Variants in PRR35 observed in about 807,000 individuals in gnomAD.
PRR35 encodes proline rich 35, also known as proline-rich protein 35.
In PRR35, 14 loss-of-function variants were observed where a neutral mutation model predicts 18.6. The ratio of observed to expected loss-of-function variants is 0.75; its 90% CI spans 0.50 to 1.18. The LOEUF is 1.18. Among genes scored for constraint, PRR35 ranks in the 50% most tolerant of loss-of-function variants. The pLI, the probability that PRR35 is intolerant of heterozygous loss-of-function variation, is 0.00. For synonymous variants in PRR35, 425 were observed against 378.2 expected (o/e 1.12, Z -1.43); for missense variants, 832 against 792.2 (o/e 1.05, Z -0.60).
Position 564,738 on chromosome 16 carries a change from C to G in PRR35, c.1147C>G (p.Pro383Ala). Residue 383 changes from proline (P) to alanine (A), a missense_variant, in exon 3 of 3, where the codon CCC becomes GCC. By Grantham distance (27) the Pro-to-Ala change is conservative (BLOSUM62 -1). This residue lies in a region of PRR35 where 768 missense variants were observed against 704.1 expected (regional missense o/e 1.09). Transcript: ENST00000409413. ...EDGDPGGPET[P>A]GPEGPLPLQP... The stretch of plus-strand genomic sequence containing the variant: ...CGGGGATCCAGGCGGCCCTGAGACC[C>G]CCGGCCCTGAGGGCCCCCTCCCCCT... 1 of 1,535,084 alleles carries G rather than the reference C, an allele frequency of 6.5e-7. No homozygotes were observed. Among genetic ancestry groups the G allele is most frequent in the Non-Finnish European group, 8.7e-7 (1 of 1,146,850 alleles).
intron 2 of PRR35, 99 bp from the exon 3 acceptor site, chr16:564,575 T>C (rs1413839256): frequency 7.1e-7 from 1 of 1,413,532 alleles, no homozygotes; most frequent in Non-Finnish European, 9.3e-7. Flanking sequence ...GCCTAGGCTC[T>C]AGGCTGGGGC....
At chr16:562,607 GCA>G (rs10582000) in intron 1 of PRR35, among the ~76,000 whole-genome samples, 43,926 of 150,602 alleles carry the variant, frequency 0.29, 6,736 homozygotes, top group East Asian at 0.55. Flanking sequence ...ACACACACAG[GCA>G]CACACACACA....
rs1428015860 is a variant in PRR35 at position 563,721 on chromosome 16, CCT to C, written c.428_429del (p.Pro143ArgfsTer3). ...RAKGSPGPPP[P>X]VARATRKGPG... Reference sequence around the variant, plus strand: ...CAAGGGGTCCCCAGGGCCACCACCCCCTGTGGCTAGGGCCACCCGGAAGGGTC... The same window carrying C: ...CAAGGGGTCCCCAGGGCCACCACCCCGTGGCTAGGGCCACCCGGAAGGGTC... On this transcript the variant is annotated frameshift_variant, in exon 2 of 3. Coordinates refer to ENST00000409413, the MANE Select transcript of PRR35 (RefSeq NM_145270.3). LOFTEE classifies it high-confidence loss of function. 1 of 1,540,648 alleles carries C rather than the reference CCT, an allele frequency of 6.5e-7. No homozygotes were observed. The highest frequency in any genetic ancestry group is 2.4e-5 in the East Asian group (1 of 41,720).
Position 564,982 on chromosome 16 carries a change from C to T in PRR35, c.1391C>T (p.Pro464Leu), listed in dbSNP as rs1260640591. 6 of 1,607,684 alleles carry T rather than the reference C, an allele frequency of 3.7e-6. No homozygotes were observed. Among genetic ancestry groups the T allele is most frequent in the South Asian group, 1.1e-5 (1 of 90,516 alleles). Reference protein sequence around the residue: ...LEQAVRPPDAPLDLSVKRAPA... With the variant: ...LEQAVRPPDALLDLSVKRAPA... ...CAGGCCGTGAGGCCGCCAGACGCAC[C>T]CCTCGACCTCTCTGTGAAACGTGCG... Residue 464 changes from proline to leucine, a missense_variant, in exon 3 of 3, where the codon CCC becomes CTC. Transcript: ENST00000409413.
In PRR35 at chr16:564,028, C is replaced by T. The variant is rs7202618; in HGVS notation, c.734C>T (p.Pro245Leu). Residue 245 changes from proline (P) to leucine (L), a missense_variant, in exon 2 of 3, where the codon CCG becomes CTG. This residue lies in a region of PRR35 where 768 missense variants were observed against 704.1 expected (regional missense o/e 1.09). Coordinates refer to ENST00000409413, the MANE Select transcript of PRR35 (RefSeq NM_145270.3). ...GCCTCGGCCAGCCCCCTGCTGCCCC[C>T]GGCCACGGCCTTCCCAGCCGTGCAG... ...FLASASPLLP[P>L]ATAFPAVQPP... The T allele has an allele frequency of 7.6e-5, 120 of 1,582,226 alleles. No individual in the cohort carries two copies. Among genetic ancestry groups the T allele is most frequent in the African/African-American group, 4.7e-4 (35 of 74,294 alleles).
At chr16:561,034 C>T (rs2035425717) in intron 1 of PRR35, among the ~76,000 whole-genome samples, 1 of 151,530 alleles carries the variant, frequency 6.6e-6, no homozygotes, top group African/African-American at 2.4e-5. Flanking sequence ...CCCGTGCCAC[C>T]GGTTCTCCCC....
At chr16:560,139 C>T (rs1411424990), upstream of PRR35, among the ~76,000 whole-genome samples, 1 of 151,600 alleles carries the variant, frequency 6.6e-6, no homozygotes, top group Non-Finnish European at 1.5e-5. Context: ...CGGCCGCACA[C>T]CTGCGCCGCA....
rs755612764 is a variant in PRR35 at position 564,074 on chromosome 16, G to T, written c.780G>T (p.Pro260=). 2.5e-6 allele frequency: 2 copies of T among 811,838 alleles called. No homozygotes were observed. The highest frequency in any genetic ancestry group is 4.7e-5 in the South Asian group (2 of 42,948). 50.3% of individuals were successfully genotyped at this position (811,838 alleles called of 1,614,324 possible). A position where few individuals can be genotyped will look rare whatever the true frequency, so the allele number is the denominator to read the frequency against. Residue 260 remains proline (P), a synonymous_variant, in exon 2 of 3, where the codon CCG becomes CCT. Transcript: ENST00000409413. The part of the protein sequence containing the change: ...PAVQPPQRPT[P]APRLYYPLLL... The stretch of plus-strand genomic sequence containing the variant: ...TGCAGCCCCCTCAGCGCCCCACCCC[G>T]GCCCCCCGCCTGTACTACCCGCTGC...
At chr16:562,419 C>CGCATACACACGCACTCACACAT (rs2035448148) in intron 1 of PRR35, among the ~76,000 whole-genome samples, 1 of 150,590 alleles carries the variant, frequency 6.6e-6, no homozygotes, top group Non-Finnish European at 1.5e-5. Flanking sequence ...TAGACACACA[C>CGCATACACACGCACTCACACAT]GCATACACAC....
At chr16:562,010 G>A (rs1164617641) in intron 1 of PRR35, among the ~76,000 whole-genome samples, 1 of 152,254 alleles carries the variant, frequency 6.6e-6, no homozygotes, top group Non-Finnish European at 1.5e-5. Flanking sequence ...TGGCACAGAG[G>A]TGGCTTCTCC....
rs2035479598 is a variant in PRR35, at chr16:563,614, C to T, written c.320C>T (p.Pro107Leu). The change falls in exon 2 of 3, where the codon CCC (proline) becomes CTC (leucine). Residue 107 changes from proline to leucine, a missense_variant. Pro to Leu is a moderately conservative substitution (Grantham distance 98). Transcript: ENST00000409413. ...DPGRQPQGAR[P>L]TGAAPAPDLV... ...GGCAGGCAACCCCAGGGAGCACGGC[C>T]CACAGGTGCTGCCCCCGCGCCTGAC... The T allele has an allele frequency of 6.3e-7, 1 of 1,588,570 alleles. No individual in the cohort carries two copies.
Position 565,227 on chromosome 16 carries a change from G to C in PRR35, c.1636G>C (p.Gly546Arg), listed in dbSNP as rs1201690517. 8.1e-6 allele frequency: 13 copies of C among 1,609,056 alleles called. No homozygotes were observed. Among genetic ancestry groups the C allele is most frequent in the Non-Finnish European group, 1.1e-5 (13 of 1,178,308 alleles). ...DDPVIPGSGW[G>R]TCVATRSSQT... ...CCCTGTCATTCCTGGCAGTGGCTGG[G>C]GCACCTGTGTTGCGACGAGGAGTTC... Residue 546 changes from glycine (G) to arginine (R), a missense_variant, in exon 3 of 3, where the codon GGC (glycine) becomes CGC (arginine). Gly to Arg is a moderately radical substitution (Grantham distance 125). Transcript: ENST00000409413.
chr16:565,453 G>A lies in PRR35; in HGVS notation c.*146G>A. On this transcript the variant is annotated 3_prime_UTR_variant, in exon 3 of 3. Coordinates refer to ENST00000409413, the MANE Select transcript of PRR35 (RefSeq NM_145270.3). The stretch of plus-strand genomic sequence containing the variant: ...CGGGCCGTGGCCAACGCTTGTCCCT[G>A]GGGCCACACAGGGACACTGGAGGTC... 1.2e-6 allele frequency: 1 copy of A among 811,816 alleles called. No homozygotes were observed. Among genetic ancestry groups the A allele is most frequent in the Non-Finnish European group, 1.8e-6 (1 of 569,676 alleles). The allele number at this position is 811,816 out of a possible 1,614,324, so 50.3% of individuals were successfully genotyped here.
chr16:564,071 C>T lies in PRR35; in HGVS notation c.777C>T (p.Thr259=). The T allele has an allele frequency of 6.5e-7, 1 of 1,548,990 alleles. No homozygotes were observed. The highest frequency in any genetic ancestry group is 8.7e-7 in the Non-Finnish European group (1 of 1,152,712). The change falls in exon 2 of 3, where the codon ACC becomes ACT. Residue 259 remains threonine (T), a synonymous_variant. Transcript: ENST00000409413. ...FPAVQPPQRP[T]PAPRLYYPLL... is the part of the protein sequence containing the mutation. Reference sequence around the variant, plus strand: ...CCGTGCAGCCCCCTCAGCGCCCCACCCCGGCCCCCCGCCTGTACTACCCGC... The same window carrying T: ...CCGTGCAGCCCCCTCAGCGCCCCACTCCGGCCCCCCGCCTGTACTACCCGC...
In PRR35 at chr16:563,146, G is replaced by A. The variant is rs1039578967; in HGVS notation, c.-39-110G>A. 7 of 1,116,674 alleles carry A rather than the reference G, an allele frequency of 6.3e-6. No homozygotes were observed. The South Asian group carries it at 1.0e-4, about 17-fold the overall frequency. The allele number at this position is 1,116,674 out of a possible 1,614,324, so 69.2% of individuals were successfully genotyped here. A position where few individuals can be genotyped will look rare whatever the true frequency, so the allele number is the denominator to read the frequency against. On this transcript the variant is annotated intron_variant, in intron 1 of 2. Coordinates refer to ENST00000409413, the MANE Select transcript of PRR35 (RefSeq NM_145270.3). ...CACGTTGCAGGGCAGAGGCGGCGGGGTGGGGGGAGCACCCAGGCTCCAGTC... is the reference window on the plus strand; with the variant it reads ...CACGTTGCAGGGCAGAGGCGGCGGGATGGGGGGAGCACCCAGGCTCCAGTC...
At position 563,503 on chromosome 16, in the gene PRR35, A is replaced by T; in HGVS notation, c.209A>T (p.Asp70Val). Residue 70 changes from aspartate to valine, a missense_variant, in exon 2 of 3, where the codon GAC becomes GTC. Physicochemically the swap from Asp to Val is radical, Grantham distance 152. Coordinates refer to ENST00000409413, the MANE Select transcript of PRR35 (RefSeq NM_145270.3). Reference sequence around the variant, plus strand: ...AAGGACTCCCTGTCCCTGCTGCTAGACTCCCCAGACTGGGCGTGCCGCCGT... The same window carrying T: ...AAGGACTCCCTGTCCCTGCTGCTAGTCTCCCCAGACTGGGCGTGCCGCCGT... ...LCKDSLSLLL[D>V]SPDWACRRGS... 1 of 1,611,990 alleles carries T rather than the reference A, an allele frequency of 6.2e-7. No individual in the cohort carries two copies. Among genetic ancestry groups the T allele is most frequent in the Non-Finnish European group, 8.5e-7 (1 of 1,179,524 alleles).
chr16:565,022 C>T lies in PRR35; in HGVS notation c.1431C>T (p.Pro477=). ...TGAAACGTGCGCCCGCCAAGGGGCC[C>T]CAGGCTCTTGGAGAGGCGTGGGGGC... ...LSVKRAPAKG[P]QALGEAWGRP... Residue 477 remains proline, a synonymous_variant, in exon 3 of 3, where the codon CCC becomes CCT. Transcript: ENST00000409413. 2 of 1,604,792 alleles carry T rather than the reference C, an allele frequency of 1.2e-6. No homozygotes were observed. The highest frequency in any genetic ancestry group is 1.7e-6 in the Non-Finnish European group (2 of 1,176,882).
chr16:565,298 C>T lies in PRR35; in HGVS notation c.1707C>T (p.Ala569=), dbSNP rs115126945. ...GTGGCCTGCAGAGCCCCCAGGGCGC[C>T]GAGGTCTGACCTGCAGCGCCTGAGG... ...AVCGLQSPQG[A]EV is the part of the protein sequence containing the mutation. The change falls in exon 3 of 3, where the codon GCC becomes GCT. Residue 569 remains alanine (A), a synonymous_variant. Coordinates refer to ENST00000409413, the MANE Select transcript of PRR35 (RefSeq NM_145270.3). 17 of 1,511,116 alleles carry T rather than the reference C, an allele frequency of 1.1e-5. No individual in the cohort carries two copies. Among genetic ancestry groups the T allele is most frequent in the South Asian group, 6.6e-5 (5 of 75,620 alleles). 93.6% of individuals were successfully genotyped at this position (1,511,116 alleles called of 1,614,324 possible).
Position 564,383 on chromosome 16 carries a change from G to A in PRR35, c.1082+7G>A, listed in dbSNP as rs746018334. 1.2e-5 allele frequency: 19 copies of A among 1,590,080 alleles called. No homozygotes were observed. Among genetic ancestry groups the A allele is most frequent in the Admixed American group, 3.4e-5 (2 of 58,924 alleles). ...GGTTCTGTTCCCGGAGCAGGTGGGCGTCTTGGGCTCCCGGTTCCTGGGGTG... is the reference window on the plus strand; with the variant it reads ...GGTTCTGTTCCCGGAGCAGGTGGGCATCTTGGGCTCCCGGTTCCTGGGGTG... On this transcript the variant is annotated splice_region_variant and intron_variant, in intron 2 of 2. Coordinates refer to ENST00000409413, the MANE Select transcript of PRR35 (RefSeq NM_145270.3).
Sources: allele counts gnomAD v4.1 joint callset (sites outside exome capture counted in the v4.1 genomes callset), GRCh38; gene constraint gnomAD v4.1.1; regional missense constraint gnomAD v4.1.1; transcripts MANE v1.5; gene names NCBI Gene and HGNC (gene_info 2026-07-23, HGNC 2026-07-21).